Variants in CAST observed in about 807,000 individuals in gnomAD.
The protein encoded by CAST is MIR583 host.
Under a neutral mutation model 119.6 loss-of-function variants are expected in CAST, and 76 were observed. That is an observed-to-expected ratio of 0.64 (90% CI 0.53 to 0.77). CAST has a LOEUF of 0.77. Among genes scored for constraint, CAST ranks in the 30% least tolerant of loss-of-function variants. The probability of loss-of-function intolerance (pLI) is 0.00; values close to 1 mark genes in which losing one functional copy is unlikely to be tolerated. For missense variants in CAST, 953 were observed against 946.5 expected, an observed-to-expected ratio of 1.01 and a Z score of -0.09; for synonymous variants, 319 against 331.6, an observed-to-expected ratio of 0.96 and a Z score of 0.41.
the CAST span, among the ~76,000 whole-genome samples, chr5:96,494,418 G>A: frequency 7.2e-5 from 11 of 152,140 alleles, no homozygotes; most frequent in Non-Finnish European, 1.3e-4. Context: ...GGAGAGCATG[G>A]AATAGCAAGA....
intron 1 of CAST, among the ~76,000 whole-genome samples, chr5:96,633,720 C>T (rs1747850344): frequency 6.6e-6 from 1 of 152,196 alleles, no homozygotes; most frequent in African/African-American, 2.4e-5. Flanking sequence ...CCTTTCTTCA[C>T]CCAGGACAAA....
chr5:96,504,997 G>A, the CAST span, among the ~76,000 whole-genome samples: 3 of 152,072 alleles, frequency 2.0e-5, no homozygotes, highest in African/African-American at 7.2e-5. Context: ...TTTTGTTTAT[G>A]CGTTCACCAG....
At chr5:96,191,388 A>G in the CAST span, among the ~76,000 whole-genome samples, 1 of 152,228 alleles carries the variant, frequency 6.6e-6, no homozygotes, top group Non-Finnish European at 1.5e-5. Context: ...AGTCCTAACA[A>G]TAACAGTAAA....
At chr5:96,646,650 T>C (rs1388362895) in intron 1 of CAST, among the ~76,000 whole-genome samples, 1 of 152,226 alleles carries the variant, frequency 6.6e-6, no homozygotes, top group Non-Finnish European at 1.5e-5. Context: ...AGTGGTTGCC[T>C]CTGGGGAGGT....
chr5:96,567,269 A>G (rs1746484079), intron 1 of CAST, among the ~76,000 whole-genome samples: 2 of 152,184 alleles, frequency 1.3e-5, no homozygotes, highest in African/African-American at 4.8e-5. Context: ...AGAAGAGATG[A>G]TGGTTCCACA....
At chr5:96,721,719 G>T (rs1758294580) in intron 3 of CAST, among the ~76,000 whole-genome samples, 1 of 152,180 alleles carries the variant, frequency 6.6e-6, no homozygotes, top group Admixed American at 6.5e-5. Context: ...AGTTTGCAAA[G>T]ATTATAATTA....
At chr5:96,108,932 C>G in the CAST span, among the ~76,000 whole-genome samples, 1 of 152,242 alleles carries the variant, frequency 6.6e-6, no homozygotes, top group Non-Finnish European at 1.5e-5. Context: ...CCTGGTGCAC[C>G]GTTTTTTAAG....
At chr5:96,248,661 T>G in the CAST span, among the ~76,000 whole-genome samples, 7 of 152,374 alleles carry the variant, frequency 4.6e-5, no homozygotes, top group African/African-American at 1.7e-4. Flanking sequence ...GGCAGTCATT[T>G]CAGCTTTTAA....
the CAST span, among the ~76,000 whole-genome samples, chr5:96,494,308 A>C: frequency 3.3e-4 from 51 of 152,358 alleles, no homozygotes; most frequent in Non-Finnish European, 6.5e-4. Flanking sequence ...ACTTTAAAAG[A>C]GCCAGAATTT....
At chr5:96,673,330 G>A (rs1215442758) in intron 1 of CAST, among the ~76,000 whole-genome samples, 1 of 152,154 alleles carries the variant, frequency 6.6e-6, no homozygotes, top group Non-Finnish European at 1.5e-5. Flanking sequence ...TTTGAGCAAA[G>A]GATGATTTAT....
the CAST span, among the ~76,000 whole-genome samples, chr5:96,223,309 A>G: frequency 6.6e-6 from 1 of 152,202 alleles, no homozygotes; most frequent in Non-Finnish European, 1.5e-5. Context: ...TTAAATATTC[A>G]AGGTGATGTA....
At chr5:96,049,616 TAGAA>T in the CAST span, among the ~76,000 whole-genome samples, 1 of 151,980 alleles carries the variant, frequency 6.6e-6, no homozygotes, top group East Asian at 1.9e-4. Flanking sequence ...GTAATTTACT[TAGAA>T]AGAGAAAACA....
chr5:96,748,202 A>T (rs1036737588), intron 18 of CAST, among the ~76,000 whole-genome samples: 28 of 152,250 alleles, frequency 1.8e-4, no homozygotes, highest in Non-Finnish European at 3.5e-4. Flanking sequence ...ATTTAAAAAA[A>T]TTATACAGAT....
At chr5:96,567,758 C>G (rs938952046) in intron 1 of CAST, among the ~76,000 whole-genome samples, 1 of 152,132 alleles carries the variant, frequency 6.6e-6, no homozygotes, top group African/African-American at 2.4e-5. Context: ...ATGGAACATT[C>G]GGCCAGGAGA....
intron 3 of CAST, among the ~76,000 whole-genome samples, chr5:96,719,024 G>T (rs1199668676): frequency 1.3e-5 from 2 of 152,194 alleles, no homozygotes; most frequent in African/African-American, 4.8e-5. Flanking sequence ...CTGGCAAGAG[G>T]CCAGGAGGAC....
chr5:96,539,920 C>T (rs1344780156), intron 1 of CAST, among the ~76,000 whole-genome samples: 1 of 151,970 alleles, frequency 6.6e-6, no homozygotes, highest in Non-Finnish European at 1.5e-5. Flanking sequence ...TTTTTTTCTG[C>T]CTTATCATAA....
the CAST span, among the ~76,000 whole-genome samples, chr5:95,999,196 C>T: frequency 1.3e-5 from 2 of 151,976 alleles, no homozygotes; most frequent in Non-Finnish European, 2.9e-5. Flanking sequence ...ATATATTTGC[C>T]TTTGTTGGAC....
chr5:96,076,031 T>G, the CAST span, among the ~76,000 whole-genome samples: 2 of 152,202 alleles, frequency 1.3e-5, no homozygotes, highest in Non-Finnish European at 2.9e-5. Context: ...TACTCATGTT[T>G]CAGCTCTAGA....
chr5:96,425,599 A>AT, the CAST span, among the ~76,000 whole-genome samples: 5 of 152,070 alleles, frequency 3.3e-5, no homozygotes, highest in Admixed American at 6.6e-5. Flanking sequence ...AATACAACCT[A>AT]TTTTTTTCAC....
Sources: allele counts gnomAD v4.1 joint callset (sites outside exome capture counted in the v4.1 genomes callset), GRCh38; gene constraint gnomAD v4.1.1; transcripts MANE v1.5; gene names NCBI Gene and HGNC (gene_info 2026-07-23, HGNC 2026-07-21).